The following CAST variants were observed in gnomAD, a reference collection of about 807,000 sequenced individuals.
CAST encodes calpastatin.
Under a neutral mutation model 119.6 loss-of-function variants are expected in CAST, and 76 were observed. That is an observed-to-expected ratio of 0.64 (90% CI 0.53 to 0.77). CAST has a LOEUF of 0.77. CAST is among the 30% of genes least tolerant of loss of function. The pLI, the probability that CAST is intolerant of heterozygous loss-of-function variation, is 0.00. For missense variants in CAST, 953 were observed against 946.5 expected (o/e 1.01, Z -0.09); for synonymous variants, 319 against 331.6 (o/e 0.96, Z 0.41).
At position 96,628,800 on chromosome 5, in the gene CAST, C is replaced by T. The variant is rs143610278; in HGVS notation, c.61-46739C>T. On this transcript the variant is annotated intron_variant, in intron 1 of 11. Transcript: ENST00000505143. The stretch of plus-strand genomic sequence containing the variant: ...CAAGTATGGATGTTGTTTCCCTGCA[C>T]GATTAGCACATAATCAACGAGCAAA... Among the ~76,000 whole-genome samples the T allele has an allele frequency of 3.5e-3, 528 of 152,084 alleles. 4 individuals are homozygous for T. Among genetic ancestry groups the T allele is most frequent in the African/African-American group, 0.012 (491 of 41,418 alleles).
At chr5:96,543,963 C>T (rs1403868697) in intron 1 of CAST, among the ~76,000 whole-genome samples, 1 of 152,216 alleles carries the variant, frequency 6.6e-6, no homozygotes, top group African/African-American at 2.4e-5. Context: ...CTCTTGGTCA[C>T]TGTAGCTTTA....
chr5:96,058,081 G>T, the CAST span, among the ~76,000 whole-genome samples: 1 of 152,078 alleles, frequency 6.6e-6, no homozygotes, highest in South Asian at 2.1e-4. Flanking sequence ...GTAGAGGTAT[G>T]TGTGTAATGT....
chr5:96,473,735 C>T, the CAST span, among the ~76,000 whole-genome samples: 1 of 152,174 alleles, frequency 6.6e-6, no homozygotes, highest in Non-Finnish European at 1.5e-5. Context: ...CTCCTGGTTT[C>T]CGAGAGACTT....
intron 24 of CAST, among the ~76,000 whole-genome samples, chr5:96,758,857 T>C (rs572188935): frequency 1.6e-4 from 25 of 152,146 alleles, no homozygotes; most frequent in Non-Finnish European, 2.9e-4. Flanking sequence ...TGGGGAAGAA[T>C]ACAATGTGAG....
At chr5:96,223,076 TG>T in the CAST span, among the ~76,000 whole-genome samples, 1 of 151,968 alleles carries the variant, frequency 6.6e-6, no homozygotes, top group African/African-American at 2.4e-5. Flanking sequence ...CTTAACCTCA[TG>T]GAGATAGGAC....
chr5:96,743,716 A>G (rs1038307740), intron 16 of CAST: 1 of 1,609,822 alleles, frequency 6.2e-7, no homozygotes, highest in Admixed American at 1.7e-5. Flanking sequence ...GCAGAGGAGC[A>G]AGAGAAGCAG....
chr5:95,973,652 G>C, the CAST span, among the ~76,000 whole-genome samples: 1 of 152,162 alleles, frequency 6.6e-6, no homozygotes. Flanking sequence ...TATTTGTATG[G>C]ATGTATTTCT....
chr5:96,297,084 A>C, the CAST span, among the ~76,000 whole-genome samples: 2 of 152,214 alleles, frequency 1.3e-5, no homozygotes, highest in Non-Finnish European at 2.9e-5. Flanking sequence ...TCTCTTAGAA[A>C]GATTTTAATG....
upstream of CAST, among the ~76,000 whole-genome samples, chr5:96,521,525 T>C (rs1745518854): frequency 6.6e-6 from 1 of 152,162 alleles, no homozygotes; most frequent in Non-Finnish European, 1.5e-5. Flanking sequence ...AACTCAAAGA[T>C]CACATATCCC....
chr5:96,555,262 G>A (rs903666075), intron 1 of CAST, among the ~76,000 whole-genome samples: 3 of 152,126 alleles, frequency 2.0e-5, no homozygotes, highest in African/African-American at 7.2e-5. Flanking sequence ...CAAGATGGCT[G>A]AATAGGAACA....
At chr5:95,974,681 T>TAC in the CAST span, among the ~76,000 whole-genome samples, 1 of 152,236 alleles carries the variant, frequency 6.6e-6, no homozygotes, top group Non-Finnish European at 1.5e-5. Context: ...TCTCTTGTGC[T>TAC]ACTGAAGCCA....
chr5:96,261,208 A>G, the CAST span, among the ~76,000 whole-genome samples: 1 of 152,200 alleles, frequency 6.6e-6, no homozygotes, highest in East Asian at 1.9e-4. Context: ...TGCCCATGAG[A>G]ATTTCCTACA....
upstream of CAST, among the ~76,000 whole-genome samples, chr5:96,659,172 C>T (rs961445224): frequency 1.5e-4 from 23 of 152,122 alleles, no homozygotes; most frequent in Admixed American, 1.5e-3. Flanking sequence ...TCACATATCA[C>T]GTAACAGATA....
At chr5:96,409,939 C>A in the CAST span, among the ~76,000 whole-genome samples, 1 of 152,180 alleles carries the variant, frequency 6.6e-6, no homozygotes, top group African/African-American at 2.4e-5. Context: ...TAATAGGAAT[C>A]TTGCACGCAT....
the CAST span, among the ~76,000 whole-genome samples, chr5:96,156,826 G>C: frequency 6.6e-5 from 10 of 152,198 alleles, no homozygotes; most frequent in Admixed American, 4.6e-4. Flanking sequence ...TCCCCCAGGG[G>C]GCAAAATCCC....
At chr5:96,434,934 A>G in the CAST span, among the ~76,000 whole-genome samples, 2 of 152,160 alleles carry the variant, frequency 1.3e-5, no homozygotes, top group African/African-American at 4.8e-5. Flanking sequence ...CAATAATGTA[A>G]CTCACATGAG....
At chr5:96,361,664 A>G in the CAST span, among the ~76,000 whole-genome samples, 1 of 150,760 alleles carries the variant, frequency 6.6e-6, no homozygotes, top group Non-Finnish European at 1.5e-5. Flanking sequence ...GGCTGCACCC[A>G]CTGTCTAACC....
At chr5:96,699,192 C>T (rs1753621109) in intron 3 of CAST, among the ~76,000 whole-genome samples, 1 of 152,158 alleles carries the variant, frequency 6.6e-6, no homozygotes, top group Admixed American at 6.5e-5. Context: ...AGTTGTGATC[C>T]ATAACCAGTC....
intron 8 of CAST, 80 bp from the exon 9 acceptor site, chr5:96,730,700 T>A: frequency 9.8e-7 from 1 of 1,021,278 alleles, no homozygotes; most frequent in Non-Finnish European, 1.6e-6. Flanking sequence ...CAGATGTTAG[T>A]GACATTTGAA....
Sources: gnomAD v4.1 joint callset for allele counts (sites outside exome capture counted in the v4.1 genomes callset) on GRCh38, gnomAD v4.1.1 for gene constraint, MANE v1.5 for transcripts, NCBI Gene and HGNC (gene_info 2026-07-23, HGNC 2026-07-21) for gene names.